The following ZFAT variants were observed in gnomAD, a reference collection of about 807,000 sequenced individuals.
ZFAT encodes zinc finger and AT-hook domain containing.
Under a neutral mutation model 117.7 loss-of-function variants are expected in ZFAT, and 64 were observed. That is an observed-to-expected ratio of 0.54 (90% CI 0.44 to 0.67). The LOEUF (loss-of-function observed/expected upper bound fraction) is 0.67, where lower values mean the gene tolerates loss of function less well. Ranked by LOEUF, ZFAT falls within the 30% of genes least tolerant of loss-of-function variation. The pLI, the probability that ZFAT is intolerant of heterozygous loss-of-function variation, is 0.00. For synonymous variants in ZFAT, 679 were observed against 615.0 expected, an observed-to-expected ratio of 1.10 and a Z score of -1.54; for missense variants, 1,433 against 1,584.5, an observed-to-expected ratio of 0.90 and a Z score of 1.62.
the ZFAT span, among the ~76,000 whole-genome samples, chr8:134,735,292 C>G: frequency 6.6e-6 from 1 of 152,154 alleles, no homozygotes; most frequent in Admixed American, 6.5e-5. Context: ...TTGTGTGACC[C>G]TTGACACTGG....
At chr8:134,588,668 C>T (rs1826235528) in intron 8 of ZFAT, among the ~76,000 whole-genome samples, 1 of 152,188 alleles carries the variant, frequency 6.6e-6, no homozygotes, top group Non-Finnish European at 1.5e-5. Flanking sequence ...GGAAAAGTGA[C>T]TCAGTTTCCC....
At chr8:134,703,846 G>C (rs4243859) in intron 1 of ZFAT, among the ~76,000 whole-genome samples, 1 of 151,834 alleles carries the variant, frequency 6.6e-6, no homozygotes, top group Non-Finnish European at 1.5e-5. Context: ...AATGTTCAGG[G>C]AAAGAAGGTG....
chr8:134,737,308 A>T, the ZFAT span, among the ~76,000 whole-genome samples: 60,780 of 150,580 alleles, frequency 0.4, 12,434 homozygotes, highest in African/African-American at 0.47. Context: ...AAATAAAAAT[A>T]AAAAAATAAA....
rs540960555 is a variant in ZFAT, at chr8:134,602,489, C to T, written c.1230G>A (p.Glu410=). ...GGTCCAGCTCGTTCTTGAACTTGCG[C>T]TCACAGATGTGGCAGTCATAGAGCA... ...RQLLYDCHIC[E]RKFKNELDRD... The change falls in exon 6 of 16, where the codon GAG becomes GAA. Residue 410 remains glutamate, a synonymous_variant. Transcript: ENST00000377838. 1.2e-6 allele frequency: 2 copies of T among 1,613,958 alleles called. No homozygotes were observed. The highest frequency in any genetic ancestry group is 3.3e-5 in the Admixed American group (2 of 60,030).
chr8:134,496,797 A>G (rs1818473991), intron 15 of ZFAT, among the ~76,000 whole-genome samples: 1 of 151,254 alleles, frequency 6.6e-6, no homozygotes, highest in Non-Finnish European at 1.5e-5. Context: ...GAGGGAGGGT[A>G]CTCCTCCCCG....
the ZFAT span, among the ~76,000 whole-genome samples, chr8:134,763,534 T>A: frequency 6.6e-6 from 1 of 152,344 alleles, no homozygotes; most frequent in South Asian, 2.1e-4. Flanking sequence ...CCGTGCCTTA[T>A]TTTTTATAGC....
intron 7 of ZFAT, chr8:134,599,732 G>A (rs1181182102): frequency 2.2e-6 from 1 of 454,680 alleles, no homozygotes; most frequent in Non-Finnish European, 4.4e-6. Context: ...AACCACACCT[G>A]GGGCCAGATG....
At chr8:134,827,464 T>A in the ZFAT span, among the ~76,000 whole-genome samples, 2 of 152,188 alleles carry the variant, frequency 1.3e-5, no homozygotes, top group Non-Finnish European at 2.9e-5. Context: ...GATAATATTT[T>A]ATGCTTAAGA....
intron 15 of ZFAT, among the ~76,000 whole-genome samples, chr8:134,479,027 TG>T (rs1563753789): frequency 6.6e-6 from 1 of 152,030 alleles, no homozygotes; most frequent in Non-Finnish European, 1.5e-5. Flanking sequence ...CCAGGAGGTG[TG>T]GGGTTACCTA....
the ZFAT span, among the ~76,000 whole-genome samples, chr8:134,728,606 G>A: frequency 3.9e-5 from 6 of 152,254 alleles, no homozygotes; most frequent in South Asian, 2.1e-4. Context: ...CACCAGGACA[G>A]GTGTGCCTGC....
intron 11 of ZFAT, among the ~76,000 whole-genome samples, chr8:134,534,665 A>G (rs1049472956): frequency 6.9e-6 from 1 of 144,598 alleles, no homozygotes; most frequent in Non-Finnish European, 1.5e-5. Flanking sequence ...AAGGGAGACA[A>G]GAAGAGAGAG....
chr8:134,518,084 T>C (rs1241395986), intron 13 of ZFAT, among the ~76,000 whole-genome samples: 1 of 152,220 alleles, frequency 6.6e-6, no homozygotes, highest in Non-Finnish European at 1.5e-5. Flanking sequence ...GCCTACTAAC[T>C]TTAGCACTCA....
chr8:134,800,476 T>C, the ZFAT span: 30 of 479,398 alleles, frequency 6.3e-5, no homozygotes, highest in South Asian at 4.0e-4. Flanking sequence ...AGCCTCTGTA[T>C]ACTATTCTTG....
intron 13 of ZFAT, among the ~76,000 whole-genome samples, chr8:134,519,432 G>T (rs1820484175): frequency 6.6e-6 from 1 of 152,012 alleles, no homozygotes; most frequent in Non-Finnish European, 1.5e-5. Context: ...TTTTATGTAT[G>T]TATATATGTG....
At chr8:134,530,460 C>A (rs1821324797) in intron 12 of ZFAT, among the ~76,000 whole-genome samples, 1 of 152,176 alleles carries the variant, frequency 6.6e-6, no homozygotes, top group Non-Finnish European at 1.5e-5. Flanking sequence ...ACAATGTGAA[C>A]TTTGTGCTTC....
the ZFAT span, chr8:134,794,064 C>T: frequency 1.3e-5 from 2 of 152,196 alleles, no homozygotes; most frequent in Non-Finnish European, 2.9e-5. Flanking sequence ...TGTATGATCG[C>T]TTTTTCCTAA....
chr8:134,711,656 G>C (rs887608282), intron 1 of ZFAT, among the ~76,000 whole-genome samples: 1 of 152,160 alleles, frequency 6.6e-6, no homozygotes, highest in African/African-American at 2.4e-5. Flanking sequence ...AAAAAAGCAC[G>C]CCTGATATAG....
chr8:134,516,116 GTTTA>G (rs954678416), intron 13 of ZFAT, among the ~76,000 whole-genome samples: 1 of 152,178 alleles, frequency 6.6e-6, no homozygotes, highest in African/African-American at 2.4e-5. Context: ...TCCCCTTGTA[GTTTA>G]TTTGTTGAAG....
At chr8:134,525,810 A>C (rs147636195) in intron 12 of ZFAT, among the ~76,000 whole-genome samples, 2 of 152,210 alleles carry the variant, frequency 1.3e-5, no homozygotes, top group South Asian at 4.1e-4. Flanking sequence ...ACAAACACTA[A>C]ATTCTTAAAT....
Sources: gnomAD v4.1 joint callset for allele counts (sites outside exome capture counted in the v4.1 genomes callset) on GRCh38, gnomAD v4.1.1 for gene constraint, MANE v1.5 for transcripts, NCBI Gene and HGNC (gene_info 2026-07-23, HGNC 2026-07-21) for gene names.